The following PSIP1 variants were observed in gnomAD, a reference collection of about 807,000 sequenced individuals.
PSIP1 encodes the protein PC4 and SFRS1-interacting protein.
Under a neutral mutation model 74.7 loss-of-function variants are expected in PSIP1, and 19 were observed. That is an observed-to-expected ratio of 0.25 (90% CI 0.18 to 0.37). The LOEUF (loss-of-function observed/expected upper bound fraction) is 0.37, where lower values mean the gene tolerates loss of function less well. Ranked by LOEUF, PSIP1 falls within the 10% of genes least tolerant of loss-of-function variation. The pLI, the probability that PSIP1 is intolerant of heterozygous loss-of-function variation, is 1.00. For synonymous variants in PSIP1, 222 were observed against 195.3 expected (o/e 1.14, Z -1.14); for missense variants, 601 against 614.3 (o/e 0.98, Z 0.23).
chr9:15,508,391 A>C (rs1168189639), intron 2 of PSIP1, among the ~76,000 whole-genome samples: 3 of 152,218 alleles, frequency 2.0e-5, no homozygotes, highest in African/African-American at 7.2e-5. Flanking sequence ...GGAAAAGACA[A>C]ACACTTCCCT....
At chr9:15,471,989 G>A (rs1429584060) in intron 10 of PSIP1, 4 of 974,184 alleles carry the variant, frequency 4.1e-6, no homozygotes, top group African/African-American at 1.8e-5. Context: ...ATAAAGACAC[G>A]AAGTCTGTTC....
chr9:15,483,427 G>A lies in PSIP1; in HGVS notation c.456+2579C>T, dbSNP rs16933318. Among the ~76,000 whole-genome samples, 5 of 143,002 alleles carry A rather than the reference G, an allele frequency of 3.5e-5. No individual in the cohort carries two copies. The South Asian group carries it at 6.5e-4, about 19-fold the overall frequency. The allele number at this position is 143,002 out of a possible 152,430, so 93.8% of individuals were successfully genotyped here. On this transcript the variant is annotated intron_variant, in intron 6 of 15. Transcript: ENST00000380733. The stretch of plus-strand genomic sequence containing the variant: ...AAAGTGCTCTTAAATCCCATCTCTC[G>A]TCTACACCACTTAAAAAATCTATAA...
intron 2 of PSIP1, 21 bp from the exon 3 acceptor site, chr9:15,506,658 A>G (rs1253992482): frequency 6.4e-7 from 1 of 1,551,250 alleles, no homozygotes; most frequent in Admixed American, 1.7e-5. Flanking sequence ...AGTGAGAAAA[A>G]TTAAAATATT....
rs143522431 is a variant in PSIP1 at position 15,465,458 on chromosome 9, C to CT, written c.*61dup. 2.8e-3 allele frequency: 3,907 copies of CT among 1,379,076 alleles called. 88 individuals carry two copies. The African/African-American group carries it at 0.049, about 17-fold the overall frequency. 85.4% of individuals were successfully genotyped at this position (1,379,076 alleles called of 1,614,324 possible). A position where few individuals can be genotyped will look rare whatever the true frequency, so the allele number is the denominator to read the frequency against. On this transcript the variant is annotated 3_prime_UTR_variant, in exon 16 of 16. Coordinates refer to ENST00000380733, the MANE Select transcript of PSIP1 (RefSeq NM_033222.5). ...ATAAAAATTTAAAACTTTCAGCAGT[C>CT]TATTTCAAATGAAAACCATTACAAA...
At position 15,465,548 on chromosome 9, in the gene PSIP1, GAT is replaced by G. The variant is rs763358937; in HGVS notation, c.1563_1564del (p.Leu523GlufsTer7). The G allele has an allele frequency of 6.3e-7, 1 of 1,584,278 alleles. No homozygotes were observed. Among genetic ancestry groups the G allele is most frequent in the Non-Finnish European group, 8.7e-7 (1 of 1,155,868 alleles). ...GTTATCTAGTGTAGAATCCTTCAGA[GAT>G]ATTTCAGTCTCTCTCTCTTCACTGG... On this transcript the variant is annotated frameshift_variant, in exon 16 of 16. Transcript: ENST00000380733. LOFTEE classifies it high-confidence loss of function.
chr9:15,467,224 G>C (rs1281102113), intron 14 of PSIP1, among the ~76,000 whole-genome samples: 1 of 152,260 alleles, frequency 6.6e-6, no homozygotes, highest in Admixed American at 6.5e-5. Context: ...TTCTACCACG[G>C]AAAAGCAATG....
intron 5 of PSIP1, among the ~76,000 whole-genome samples, chr9:15,486,623 A>G (rs1373543670): frequency 2.6e-5 from 4 of 152,236 alleles, no homozygotes; most frequent in South Asian, 4.1e-4. Flanking sequence ...ACTTCAAATA[A>G]TAACAGGTAT....
At chr9:15,496,812 T>C (rs1711713724) in intron 3 of PSIP1, among the ~76,000 whole-genome samples, 1 of 152,212 alleles carries the variant, frequency 6.6e-6, no homozygotes, top group African/African-American at 2.4e-5. Context: ...GCACACTTTT[T>C]TTTAGTTCAC....
intron 12 of PSIP1, 59 bp downstream of exon 12, chr9:15,469,207 A>G (rs895935779): frequency 3.7e-6 from 5 of 1,343,848 alleles, no homozygotes; most frequent in Non-Finnish European, 5.2e-6. Context: ...TCATGTGAGA[A>G]AATAAAAGAT....
chr9:15,486,349 A>G (rs1166607759), intron 5 of PSIP1, among the ~76,000 whole-genome samples: 2 of 152,210 alleles, frequency 1.3e-5, no homozygotes, highest in Non-Finnish European at 2.9e-5. Context: ...ATTCTGAATT[A>G]TAGGGGTGGA....
At chr9:15,508,413 T>TGAACTTGTTAAATGTA (rs1227592128) in intron 2 of PSIP1, among the ~76,000 whole-genome samples, 3 of 152,216 alleles carry the variant, frequency 2.0e-5, no homozygotes, top group African/African-American at 7.2e-5. Flanking sequence ...CCAATCCAAA[T>TGAACTTGTTAAATGTA]GAACTTGTTA....
At chr9:15,474,598 T>C (rs1171709249) in intron 8 of PSIP1, among the ~76,000 whole-genome samples, 1 of 152,148 alleles carries the variant, frequency 6.6e-6, no homozygotes, top group Non-Finnish European at 1.5e-5. Flanking sequence ...AAGCATATGA[T>C]AAATATATAG....
intron 2 of PSIP1, 27 bp downstream of exon 2, chr9:15,510,090 T>C (rs369198954): frequency 1.3e-6 from 2 of 1,596,100 alleles, no homozygotes; most frequent in African/African-American, 2.7e-5. Flanking sequence ...GTAGCACTGC[T>C]AAGCGCGAGG....
Position 15,464,076 on chromosome 9 carries a change from A to G in PSIP1, c.*1444T>C, listed in dbSNP as rs993938363. On this transcript the variant is annotated 3_prime_UTR_variant, in exon 16 of 16. Transcript: ENST00000380733. ...AATTTACTAGCAGAGTTTGATAGAA[A>G]AATTCTTTAATGAAAACAAGTTTAC... The G allele has an allele frequency of 5.6e-6, 1 of 177,892 alleles. No homozygotes were observed. Among genetic ancestry groups the G allele is most frequent in the Non-Finnish European group, 1.2e-5 (1 of 82,554 alleles). The allele number at this position is 177,892 out of a possible 1,614,324, so 11.0% of individuals were successfully genotyped here. A position where few individuals can be genotyped will look rare whatever the true frequency, so the allele number is the denominator to read the frequency against.
intron 8 of PSIP1, among the ~76,000 whole-genome samples, chr9:15,477,030 G>C (rs547555534): frequency 1.3e-5 from 2 of 152,220 alleles, no homozygotes; most frequent in African/African-American, 4.8e-5. Flanking sequence ...GCATACTCCG[G>C]GGGAAAACTG....
chr9:15,500,328 G>A (rs2037280086), intron 3 of PSIP1, among the ~76,000 whole-genome samples: 1 of 152,094 alleles, frequency 6.6e-6, no homozygotes, highest in Non-Finnish European at 1.5e-5. Flanking sequence ...AGCTGGGTGT[G>A]GTGGCGAGCG....
In PSIP1 at chr9:15,510,260, C is replaced by G; in HGVS notation, c.-72G>C. 2 of 1,430,236 alleles carry G rather than the reference C, an allele frequency of 1.4e-6. No individual in the cohort carries two copies. The highest frequency in any genetic ancestry group is 1.9e-6 in the Non-Finnish European group (2 of 1,045,822). The allele number at this position is 1,430,236 out of a possible 1,614,324, so 88.6% of individuals were successfully genotyped here. ...AGATGCGGCGGCGCGGGGATGCGGG[C>G]GGCGGACGCGGGCCCAGCTACCGGG... On this transcript the variant is annotated 5_prime_UTR_variant, in exon 2 of 16. Transcript: ENST00000380733.
At chr9:15,497,620 C>T (rs917922970) in intron 3 of PSIP1, among the ~76,000 whole-genome samples, 3 of 151,912 alleles carry the variant, frequency 2.0e-5, no homozygotes, top group Admixed American at 1.3e-4. Flanking sequence ...CCACCGCGCC[C>T]GGCTGATTCC....
At chr9:15,503,573 G>T (rs1306756177) in intron 3 of PSIP1, among the ~76,000 whole-genome samples, 1 of 151,364 alleles carries the variant, frequency 6.6e-6, no homozygotes, top group East Asian at 1.9e-4. Context: ...GAGATGGGAG[G>T]ATCACTTAGG....
Sources: allele counts gnomAD v4.1 joint callset (sites outside exome capture counted in the v4.1 genomes callset), GRCh38; gene constraint gnomAD v4.1.1; transcripts MANE v1.5; gene names NCBI Gene and HGNC (gene_info 2026-07-23, HGNC 2026-07-21).